Variants in PTPRD observed in about 807,000 individuals in gnomAD.
PTPRD encodes the protein receptor-type tyrosine-protein phosphatase delta.
In PTPRD, 34 loss-of-function variants were observed where a neutral mutation model predicts 214.5. The observed-to-expected ratio is 0.16, with a 90% CI of 0.12 to 0.21. The LOEUF is 0.21. PTPRD is among the 10% of genes least tolerant of loss of function. The pLI, the probability that PTPRD is intolerant of heterozygous loss-of-function variation, is 1.00. For synonymous variants in PTPRD, 1,128 were observed against 845.7 expected (o/e 1.33, Z -5.79); for missense variants, 2,545 against 2,398.7 (o/e 1.06, Z -1.27).
chr9:9,872,287 G>A (rs1176294262), intron 5 of PTPRD, among the ~76,000 whole-genome samples: 1 of 152,162 alleles, frequency 6.6e-6, no homozygotes, highest in Non-Finnish European at 1.5e-5. Context: ...CTGGGCAAGT[G>A]ATTTGCCCTC....
intron 6 of PTPRD, among the ~76,000 whole-genome samples, chr9:9,736,828 A>T (rs943863108): frequency 4.6e-5 from 7 of 151,936 alleles, no homozygotes; most frequent in Non-Finnish European, 8.8e-5. Context: ...TGTATTCTAG[A>T]TGCGAGTCCT....
At chr9:8,639,767 T>C (rs1454383228) in intron 12 of PTPRD, among the ~76,000 whole-genome samples, 1 of 152,162 alleles carries the variant, frequency 6.6e-6, no homozygotes, top group African/African-American at 2.4e-5. Flanking sequence ...CATCTGGAAA[T>C]AACTGGTGGG....
At chr9:8,501,694 G>A (rs2097412604) in intron 23 of PTPRD, among the ~76,000 whole-genome samples, 1 of 152,170 alleles carries the variant, frequency 6.6e-6, no homozygotes, top group African/African-American at 2.4e-5. Flanking sequence ...TGTTAACATT[G>A]ATCATAGCCC....
chr9:8,967,002 T>A (rs945017542), intron 11 of PTPRD, among the ~76,000 whole-genome samples: 2 of 151,748 alleles, frequency 1.3e-5, no homozygotes, highest in African/African-American at 4.8e-5. Context: ...AACAGACACT[T>A]CTTAAAAGAA....
chr9:8,707,301 T>G (rs973239672), intron 12 of PTPRD, among the ~76,000 whole-genome samples: 4 of 152,238 alleles, frequency 2.6e-5, no homozygotes, highest in African/African-American at 9.6e-5. Flanking sequence ...GGATGGGCAA[T>G]GGATATTTCT....
At chr9:9,218,817 G>C (rs1240718838) in intron 9 of PTPRD, among the ~76,000 whole-genome samples, 3 of 152,066 alleles carry the variant, frequency 2.0e-5, no homozygotes, top group Non-Finnish European at 4.4e-5. Context: ...AGCTGACGAG[G>C]TAAAAAACAC....
chr9:8,776,533 A>C (rs2095482806), intron 11 of PTPRD, among the ~76,000 whole-genome samples: 1 of 150,612 alleles, frequency 6.6e-6, no homozygotes, highest in Admixed American at 6.6e-5. Flanking sequence ...CCTGGGCTCA[A>C]GCGATCTGCC....
intron 11 of PTPRD, among the ~76,000 whole-genome samples, chr9:8,975,281 T>G (rs1458851361): frequency 6.6e-6 from 1 of 152,086 alleles, no homozygotes; most frequent in East Asian, 1.9e-4. Context: ...TATTGATTCC[T>G]AATGATAATT....
rs1852126735 is a variant in PTPRD, at chr9:8,341,245, G to A, written c.4971C>T (p.His1657=). 1 of 1,609,552 alleles carries A rather than the reference G, an allele frequency of 6.2e-7. No homozygotes were observed. Among genetic ancestry groups the A allele is most frequent in the African/African-American group, 1.3e-5 (1 of 74,494 alleles). Residue 1657 remains histidine, a synonymous_variant, in exon 41 of 46, where the codon CAC becomes CAT. Coordinates refer to ENST00000381196, the MANE Select transcript of PTPRD (RefSeq NM_002839.4). The stretch of plus-strand genomic sequence containing the variant: ...GATTGGCACTGATAAACCTTGAGGT[G>A]TGAGCTTTTGAGCTGGCTAGACGCT... ...EFKRLASSKA[H]TSRFISANLP...
intron 3 of PTPRD, among the ~76,000 whole-genome samples, chr9:10,184,503 G>A (rs1023026522): frequency 1.3e-5 from 2 of 152,058 alleles, no homozygotes; most frequent in African/African-American, 4.8e-5. Context: ...AAGAATTAGG[G>A]TACATGGATC....
chr9:10,081,648 G>C (rs2098239708), intron 3 of PTPRD, among the ~76,000 whole-genome samples: 1 of 151,996 alleles, frequency 6.6e-6, no homozygotes, highest in Non-Finnish European at 1.5e-5. Flanking sequence ...AATTTCTGTT[G>C]TTTATGAACC....
intron 8 of PTPRD, among the ~76,000 whole-genome samples, chr9:9,527,680 TTA>T (rs2154261103): frequency 6.6e-6 from 1 of 152,330 alleles, no homozygotes; most frequent in African/African-American, 2.4e-5. Context: ...TTAGTCATTT[TTA>T]TTTCTTTTTT....
chr9:10,274,626 G>T (rs10756019), intron 3 of PTPRD, among the ~76,000 whole-genome samples: 4 of 151,946 alleles, frequency 2.6e-5, no homozygotes, highest in Admixed American at 6.5e-5. Context: ...TTTGTCTTTA[G>T]ATATTGCTCA....
At position 8,569,994 on chromosome 9, in the gene PTPRD, C is replaced by T. The variant is rs530602227; in HGVS notation, c.353-41215G>A. Among the ~76,000 whole-genome samples, 17 of 152,054 alleles carry T rather than the reference C, an allele frequency of 1.1e-4. No homozygotes were observed. The South Asian group carries it at 3.1e-3, about 28-fold the overall frequency. On this transcript the variant is annotated intron_variant, in intron 14 of 45. Coordinates refer to ENST00000381196, the MANE Select transcript of PTPRD (RefSeq NM_002839.4). ...GAACTGTTAGAAAAACCACAGTTTC[C>T]GTAATGAAGTTGTAGTGGAAGTACA...
At chr9:9,253,587 T>C (rs7872553) in intron 9 of PTPRD, among the ~76,000 whole-genome samples, 27,675 of 151,994 alleles carry the variant, frequency 0.18, 2,901 homozygotes, top group East Asian at 0.38. Context: ...TTGAGTGATT[T>C]TGATGTTTTA....
rs1007493241 is a variant in PTPRD at position 8,485,395 on chromosome 9, C to G, written c.3056-71G>C. ...GATGACCTGTCCTTTCCACCATGGA[C>G]CATAGGGGCTTATGCTAGATGCTGT... On this transcript the variant is annotated intron_variant, in intron 28 of 45. Transcript: ENST00000381196. The G allele has an allele frequency of 4.8e-6, 5 of 1,048,334 alleles. No homozygotes were observed. In the East Asian group the frequency reaches 9.9e-5, roughly 21 times the overall value. The allele number at this position is 1,048,334 out of a possible 1,614,324, so 64.9% of individuals were successfully genotyped here.
chr9:8,545,301 G>C (rs1564216633), intron 14 of PTPRD, among the ~76,000 whole-genome samples: 1 of 152,134 alleles, frequency 6.6e-6, no homozygotes, highest in Non-Finnish European at 1.5e-5. Context: ...ACCCATTTCT[G>C]ATAATTCAGT....
chr9:8,381,266 T>TC (rs2084995107), intron 37 of PTPRD, among the ~76,000 whole-genome samples: 1 of 152,194 alleles, frequency 6.6e-6, no homozygotes, highest in Non-Finnish European at 1.5e-5. Context: ...CAATACCCAT[T>TC]TAATGAGGGA....
intron 3 of PTPRD, among the ~76,000 whole-genome samples, chr9:10,045,655 C>T (rs1400105491): frequency 1.3e-5 from 2 of 151,382 alleles, no homozygotes; most frequent in Non-Finnish European, 3.0e-5. Context: ...TCTTAAGATC[C>T]ACAAAACCAT....
Sources: gnomAD v4.1 joint callset for allele counts (sites outside exome capture counted in the v4.1 genomes callset) on GRCh38, gnomAD v4.1.1 for gene constraint, MANE v1.5 for transcripts, NCBI Gene and HGNC (gene_info 2026-07-23, HGNC 2026-07-21) for gene names.